Variants in CRIP2 observed in about 807,000 individuals in gnomAD.
CRIP2 encodes cysteine-rich protein 2.
A neutral mutation model predicts 31.3 loss-of-function variants in CRIP2; 31 were observed. The observed-to-expected ratio is 0.99, with a 90% confidence interval of 0.74 to 1.34. The LOEUF (loss-of-function observed/expected upper bound fraction) is 1.34, where lower values mean the gene tolerates loss of function less well. CRIP2 is among the 40% of genes most tolerant of loss of function. CRIP2 has a pLI of 0.00. For missense variants in CRIP2, 389 were observed against 301.6 expected (o/e 1.29, Z -2.15); for synonymous variants, 177 against 127.2 (o/e 1.39, Z -2.63).
rs1395422828 is a variant in CRIP2, at chr14:105,476,286, C to T, written c.43+1381C>T. The T allele has an allele frequency of 3.0e-6, 3 of 985,396 alleles. No homozygotes were observed. In the African/African-American group the frequency reaches 5.2e-5, roughly 17 times the overall value. 61.0% of individuals were successfully genotyped at this position (985,396 alleles called of 1,614,324 possible). ...CGGAAAGGCCTGCCTGCCTGGCCCG[C>T]CCAGCCTCTCAGCGGAAAACAAAGG... On this transcript the variant is annotated intron_variant, in intron 1 of 7. Transcript: ENST00000329146.
At chr14:105,475,787 C>T in intron 1 of CRIP2, 9 of 981,116 alleles carry the variant, frequency 9.2e-6, no homozygotes, top group Non-Finnish European at 1.1e-5. Flanking sequence ...TGATTCGCTG[C>T]CCAGCTTTCT....
At position 105,476,707 on chromosome 14, in the gene CRIP2, G is replaced by A. The variant is rs1455053992; in HGVS notation, c.44-1559G>A. The stretch of plus-strand genomic sequence containing the variant: ...GACTTCCTTGCTGCTGCTGGGACAC[G>A]CCTGCCCACCGTGCAGCCAGCCCCT... On this transcript the variant is annotated intron_variant, in intron 1 of 7. Coordinates refer to ENST00000329146, the MANE Select transcript of CRIP2 (RefSeq NM_001312.4). 2.3e-5 allele frequency: 23 copies of A among 985,242 alleles called. 1 individual carries two copies. The Admixed American group carries it at 1.2e-3, about 50-fold the overall frequency. The allele number at this position is 985,242 out of a possible 1,614,324, so 61.0% of individuals were successfully genotyped here.
In CRIP2 at chr14:105,477,660, TGG is replaced by T. The variant is rs1454380491; in HGVS notation, c.44-601_44-600del. On this transcript the variant is annotated intron_variant, in intron 1 of 7. Coordinates refer to ENST00000329146, the MANE Select transcript of CRIP2 (RefSeq NM_001312.4). Reference sequence around the variant, plus strand: ...GACAGGTGGGGGAGATGCATATGTGTGGGGGGAGGCAGGTGTGTGGGGGGAAG... The same window carrying T: ...GACAGGTGGGGGAGATGCATATGTGTGGGGAGGCAGGTGTGTGGGGGGAAG... 44 of 642,474 alleles carry T rather than the reference TGG, an allele frequency of 6.8e-5. 2 individuals carry two copies. The African/African-American group carries it at 2.4e-3, about 35-fold the overall frequency. The allele number at this position is 642,474 out of a possible 1,614,324, so 39.8% of individuals were successfully genotyped here. A position where few individuals can be genotyped will look rare whatever the true frequency, so the allele number is the denominator to read the frequency against.
In CRIP2 at chr14:105,478,560, C is replaced by T; in HGVS notation, c.196+53C>T. On this transcript the variant is annotated intron_variant, in intron 3 of 7. Coordinates refer to ENST00000329146, the MANE Select transcript of CRIP2 (RefSeq NM_001312.4). The surrounding 1 kb of genome is among the most constrained non-coding windows in gnomAD (Gnocchi z 4.9). ...CTGGGACCTGCTGGGAGGGGCGTGG[C>T]GCTGGCGCTGGGGAGGGCTGGGGGT... 1 of 1,568,826 alleles carries T rather than the reference C, an allele frequency of 6.4e-7. No homozygotes were observed. The highest frequency in any genetic ancestry group is 1.2e-5 in the South Asian group (1 of 86,660).
chr14:105,479,465 C>T lies in CRIP2; in HGVS notation c.531C>T (p.Pro177=), dbSNP rs201777436. The change falls in exon 7 of 8, where the codon CCC becomes CCT. Residue 177 remains proline, a synonymous_variant. Coordinates refer to ENST00000329146, the MANE Select transcript of CRIP2 (RefSeq NM_001312.4). ...EHDGQPYCHK[P]CYGILFGPKG... ...ACGGCCAGCCCTACTGCCACAAGCC[C>T]TGCTATGGAATCCTCTTCGGACCCA... 3.1e-6 allele frequency: 5 copies of T among 1,612,984 alleles called. No homozygotes were observed. The highest frequency in any genetic ancestry group is 2.2e-5 in the East Asian group (1 of 44,870).
intron 1 of CRIP2, chr14:105,476,197 CCCAGGCCGGG>C (rs2083929593): frequency 1.0e-6 from 1 of 985,462 alleles, no homozygotes; most frequent in Non-Finnish European, 1.2e-6. Flanking sequence ...ATGACTTTAC[CCCAGGCCGGG>C]CCAGGCCAGC....
In CRIP2 at chr14:105,478,483, T is replaced by G; in HGVS notation, c.172T>G (p.Tyr58Asp). The G allele has an allele frequency of 1.2e-6, 2 of 1,608,944 alleles. No individual in the cohort carries two copies. Among genetic ancestry groups the G allele is most frequent in the Non-Finnish European group, 1.7e-6 (2 of 1,179,106 alleles). ...GAAGCCGTTCTGCCACAAGCCGTGC[T>G]ACGCCACCCTGTTCGGACCCAAAGG... ...DGKPFCHKPC[Y>D]ATLFGPKGVN... is the part of the protein sequence containing the mutation. Residue 58 changes from tyrosine (Y) to aspartate (D), a missense_variant, in exon 3 of 8, where the codon TAC (tyrosine) becomes GAC (aspartate). Tyr to Asp is a radical substitution (Grantham distance 160). Coordinates refer to ENST00000329146, the MANE Select transcript of CRIP2 (RefSeq NM_001312.4). This position sits in a 1 kb window ranked among gnomAD's most constrained non-coding sequence, Gnocchi z 4.9.
At chr14:105,475,537 G>C (rs2083914187) in intron 1 of CRIP2, 1 of 152,516 alleles carries the variant, frequency 6.6e-6, no homozygotes, top group Admixed American at 6.5e-5. Context: ...GGTGGGGGCG[G>C]GTGTGACACG....
Position 105,474,920 on chromosome 14 carries a change from G to A in CRIP2, c.43+15G>A, listed in dbSNP as rs1270781494. Reference sequence around the variant, plus strand: ...CGTGTACTTCGGTGAGTGCGTGCCCGCTCCCGGCCCGCTCGGTGCATCCCG... The same window carrying A: ...CGTGTACTTCGGTGAGTGCGTGCCCACTCCCGGCCCGCTCGGTGCATCCCG... On this transcript the variant is annotated intron_variant, in intron 1 of 7. Coordinates refer to ENST00000329146, the MANE Select transcript of CRIP2 (RefSeq NM_001312.4). This position sits in a 1 kb window ranked among gnomAD's most constrained non-coding sequence, Gnocchi z 5.1. 2 of 1,505,984 alleles carry A rather than the reference G, an allele frequency of 1.3e-6. No homozygotes were observed. Among genetic ancestry groups the A allele is most frequent in the Non-Finnish European group, 8.9e-7 (1 of 1,126,900 alleles). 93.3% of individuals were successfully genotyped at this position (1,505,984 alleles called of 1,614,324 possible).
At chr14:105,475,066 T>C (rs1286323367) in intron 1 of CRIP2, among the ~76,000 whole-genome samples, 161 bp downstream of exon 1, 4 of 152,086 alleles carry the variant, frequency 2.6e-5, no homozygotes, top group Non-Finnish European at 5.9e-5. Context: ...CCCAAGCGGC[T>C]AAAGCCAAAG....
chr14:105,478,386 G>C lies in CRIP2; in HGVS notation c.138+26G>C, dbSNP rs1018937871. On this transcript the variant is annotated intron_variant, in intron 2 of 7. Transcript: ENST00000329146. This position sits in a 1 kb window ranked among gnomAD's most constrained non-coding sequence, Gnocchi z 4.9. Reference sequence around the variant, plus strand: ...GTGAGCCCCACTGCGCGGCGCGGGCGGGGGCGGGGGTCGCGACTCCCGCCA... The same window carrying C: ...GTGAGCCCCACTGCGCGGCGCGGGCCGGGGCGGGGGTCGCGACTCCCGCCA... 2.5e-6 allele frequency: 4 copies of C among 1,569,666 alleles called. No homozygotes were observed. The highest frequency in any genetic ancestry group is 3.4e-6 in the Non-Finnish European group (4 of 1,161,492).
intron 1 of CRIP2, chr14:105,476,352 C>T: frequency 1.0e-6 from 1 of 985,498 alleles, no homozygotes; most frequent in Non-Finnish European, 1.2e-6. Flanking sequence ...CTGGGAGGCA[C>T]TGTGAGGGCG....
intron 7 of CRIP2, 33 bp from the exon 8 acceptor site, chr14:105,479,552 TC>T: frequency 6.2e-7 from 1 of 1,612,590 alleles, no homozygotes; most frequent in South Asian, 1.1e-5. Context: ...CCTCCACTGT[TC>T]CCCCGACCCA....
intron 1 of CRIP2, chr14:105,477,521 T>G (rs1380627233): frequency 2.0e-6 from 2 of 983,360 alleles, no homozygotes; most frequent in African/African-American, 3.6e-5. Context: ...GCCCAGTTGG[T>G]GGGGATCAGG....
chr14:105,476,486 G>A (rs2083935046), intron 1 of CRIP2: 5 of 985,546 alleles, frequency 5.1e-6, no homozygotes, highest in Non-Finnish European at 6.0e-6. Context: ...AGCCAGGGTG[G>A]GCAGCTGGTT....
In CRIP2 at chr14:105,479,688, G is replaced by C. The variant is rs587702966; in HGVS notation, c.*35G>C. On this transcript the variant is annotated 3_prime_UTR_variant, in exon 8 of 8. Coordinates refer to ENST00000329146, the MANE Select transcript of CRIP2 (RefSeq NM_001312.4). Reference sequence around the variant, plus strand: ...GCTCTCATGATGTGGGCTCACCTGCGCCCCAGACCCTGCAGGGGCCCCCCT... The same window carrying C: ...GCTCTCATGATGTGGGCTCACCTGCCCCCCAGACCCTGCAGGGGCCCCCCT... 9 of 1,596,706 alleles carry C rather than the reference G, an allele frequency of 5.6e-6. No homozygotes were observed. The highest frequency in any genetic ancestry group is 1.3e-5 in the African/African-American group (1 of 74,476).
Position 105,478,282 on chromosome 14 carries a change from C to G in CRIP2, c.60C>G (p.Ser20=), listed in dbSNP as rs782594970. The G allele has an allele frequency of 3.4e-5, 53 of 1,565,308 alleles. 1 individual carries two copies. The South Asian group carries it at 5.7e-4, about 17-fold the overall frequency. ...CCCGCTCAGCCGAGAAGGTGAGCTC[C>G]CTGGGGAAGGACTGGCACAAGTTCT... ...KTVYFAEKVS[S]LGKDWHKFCL... is the part of the protein sequence containing the mutation. The change falls in exon 2 of 8, where the codon TCC becomes TCG. Residue 20 remains serine (S), a synonymous_variant. Transcript: ENST00000329146. This position sits in a 1 kb window ranked among gnomAD's most constrained non-coding sequence, Gnocchi z 4.9.
At chr14:105,473,090 G>A, upstream of CRIP2, 1 of 881,586 alleles carries the variant, frequency 1.1e-6, no homozygotes, top group Non-Finnish European at 1.7e-6. Flanking sequence ...TAATGGCTTA[G>A]CCCCAGGCTC....
At chr14:105,479,268 G>C (rs782529567) in intron 6 of CRIP2, 49 bp downstream of exon 6, 3 of 1,536,308 alleles carry the variant, frequency 2.0e-6, no homozygotes, top group Admixed American at 1.9e-5. Context: ...GCGCGGGGTC[G>C]GGGGGATGAG....
Sources: gnomAD v4.1 joint callset for allele counts (sites outside exome capture counted in the v4.1 genomes callset) on GRCh38, gnomAD v4.1.1 for gene constraint, Gnocchi (gnomAD v3.1) non-coding constraint, MANE v1.5 for transcripts, NCBI Gene and HGNC (gene_info 2026-07-23, HGNC 2026-07-21) for gene names.